PPP1R16B: variants seen among roughly 807,000 people sequenced by gnomAD.
PPP1R16B encodes the protein protein phosphatase 1 regulatory subunit 16B.
Under a neutral mutation model 61.7 loss-of-function variants are expected in PPP1R16B, and 14 were observed. The ratio of observed to expected loss-of-function variants is 0.23; its 90% CI spans 0.15 to 0.35. The LOEUF is 0.35. Ranked by LOEUF, PPP1R16B falls within the 10% of genes least tolerant of loss-of-function variation. The pLI is 1.00. For missense variants in PPP1R16B, 547 were observed against 752.5 expected (o/e 0.73, Z 3.19); for synonymous variants, 266 against 305.3 (o/e 0.87, Z 1.34).
At position 38,876,789 on chromosome 20, in the gene PPP1R16B, C is replaced by G. The variant is rs76376870; in HGVS notation, c.251-12806C>G. On this transcript the variant is annotated intron_variant, in intron 2 of 10. Coordinates refer to ENST00000299824, the MANE Select transcript of PPP1R16B (RefSeq NM_015568.4). ...AATAGAGTTCTTACCACTTGGCTAT[C>G]ATTCTGCGGAAGGTTTTTGTTTTTT... 2.8e-3 allele frequency among the ~76,000 whole-genome samples: 434 copies of G among 152,318 alleles called. 4 individuals are homozygous for G. The highest frequency in any genetic ancestry group is 0.01 in the African/African-American group (422 of 41,566).
At chr20:38,817,565 CAAAA>C (rs773898309) in intron 1 of PPP1R16B, among the ~76,000 whole-genome samples, 4 of 50,674 alleles carry the variant, frequency 7.9e-5, no homozygotes, top group Non-Finnish European at 8.2e-5. Flanking sequence ...AACTCCATCT[CAAAA>C]AAAAAAAAAA....
At chr20:38,871,087 A>T (rs926002860) in intron 2 of PPP1R16B, among the ~76,000 whole-genome samples, 15 of 152,140 alleles carry the variant, frequency 9.9e-5, no homozygotes, top group African/African-American at 3.6e-4. Flanking sequence ...GTGAGGCAGC[A>T]CATAGCTCAG....
chr20:38,916,739 GC>G (rs1195714442), intron 10 of PPP1R16B, among the ~76,000 whole-genome samples: 3 of 152,074 alleles, frequency 2.0e-5, no homozygotes, highest in Non-Finnish European at 4.4e-5. Context: ...GAAGGATGAT[GC>G]AAAACTGTCC....
rs1436140091 is a variant in PPP1R16B at position 38,805,790 on chromosome 20, C to G, written c.-104C>G. ...CCGCCCGGGGCAGGGCTCGGGAGAG[C>G]GGGTGAGTTCCCCGGCGGCGCCACC... On this transcript the variant is annotated splice_region_variant and 5_prime_UTR_variant, in exon 1 of 11. Transcript: ENST00000299824. 1 of 152,244 alleles carries G rather than the reference C, an allele frequency of 6.6e-6. No individual in the cohort carries two copies. Among genetic ancestry groups the G allele is most frequent in the Admixed American group, 6.5e-5 (1 of 15,286 alleles). The allele number at this position is 152,244 out of a possible 1,614,324, so 9.4% of individuals were successfully genotyped here.
intron 1 of PPP1R16B, among the ~76,000 whole-genome samples, chr20:38,830,325 A>G (rs2084829085): frequency 6.6e-6 from 1 of 152,226 alleles, no homozygotes; most frequent in African/African-American, 2.4e-5. Context: ...ATGAGTTTAT[A>G]TGAGTGCTTC....
intron 3 of PPP1R16B, among the ~76,000 whole-genome samples, chr20:38,890,808 G>T (rs902023589): frequency 2.0e-5 from 3 of 152,236 alleles, no homozygotes; most frequent in Admixed American, 6.5e-5. Context: ...TGAGAGGCCA[G>T]GCAACCAGAA....
chr20:38,876,663 T>C (rs1294942893), intron 2 of PPP1R16B, among the ~76,000 whole-genome samples: 1 of 152,234 alleles, frequency 6.6e-6, no homozygotes, highest in African/African-American at 2.4e-5. Context: ...TTATTGTTGC[T>C]ATTTAACTTC....
chr20:38,855,058 C>T (rs909904260), intron 2 of PPP1R16B, among the ~76,000 whole-genome samples: 1 of 152,094 alleles, frequency 6.6e-6, no homozygotes, highest in Admixed American at 6.6e-5. Context: ...CTTTGGCCAC[C>T]CCTCATAATA....
intron 2 of PPP1R16B, among the ~76,000 whole-genome samples, chr20:38,851,502 G>A (rs2084968860): frequency 6.6e-6 from 1 of 151,440 alleles, no homozygotes. Flanking sequence ...AAACTTAGAA[G>A]ACGATTTCTC....
chr20:38,816,751 G>A (rs1428031480), intron 1 of PPP1R16B, among the ~76,000 whole-genome samples: 3 of 152,152 alleles, frequency 2.0e-5, no homozygotes, highest in Non-Finnish European at 4.4e-5. Flanking sequence ...CCTCAGCAGC[G>A]ATATATAGAG....
chr20:38,860,974 A>G (rs2085045992), intron 2 of PPP1R16B, among the ~76,000 whole-genome samples: 1 of 152,116 alleles, frequency 6.6e-6, no homozygotes, highest in Non-Finnish European at 1.5e-5. Context: ...TCCCACTGGG[A>G]GTATCCGTGT....
intron 1 of PPP1R16B, among the ~76,000 whole-genome samples, chr20:38,813,770 T>C (rs141950627): frequency 0.082 from 3,947 of 48,210 alleles, 71 homozygotes; most frequent in African/African-American, 0.089. Context: ...TCATCATCAT[T>C]ATTATTATTA....
intron 10 of PPP1R16B, among the ~76,000 whole-genome samples, chr20:38,917,937 T>C (rs756850439): frequency 1.2e-4 from 18 of 152,158 alleles, no homozygotes; most frequent in Non-Finnish European, 1.8e-4. Flanking sequence ...TAGCTAGGCC[T>C]TGGGTCATGA....
Position 38,918,200 on chromosome 20 carries a change from C to T in PPP1R16B, c.1238C>T (p.Thr413Ile). 1 of 1,614,240 alleles carries T rather than the reference C, an allele frequency of 6.2e-7. No homozygotes were observed. The highest frequency in any genetic ancestry group is 2.2e-5 in the East Asian group (1 of 44,894). The change falls in exon 11 of 11, where the codon ACC (threonine) becomes ATC (isoleucine). Residue 413 changes from threonine to isoleucine, a missense_variant. Coordinates refer to ENST00000299824, the MANE Select transcript of PPP1R16B (RefSeq NM_015568.4). This position sits in a 1 kb window ranked among gnomAD's most constrained non-coding sequence, Gnocchi z 5.3. ...EKPVLLSEFPTKIPRGELDMP... is the reference protein window; with the variant it reads ...EKPVLLSEFPIKIPRGELDMP... ...CCCGTGCTACTCTCCGAATTTCCTACCAAGATCCCACGAGGTGAACTGGAC... is the reference window on the plus strand; with the variant it reads ...CCCGTGCTACTCTCCGAATTTCCTATCAAGATCCCACGAGGTGAACTGGAC...
intron 4 of PPP1R16B, among the ~76,000 whole-genome samples, chr20:38,898,014 C>T (rs187610200): frequency 2.1e-4 from 32 of 152,292 alleles, no homozygotes; most frequent in East Asian, 7.7e-4. Flanking sequence ...ATCAGATAGA[C>T]GTACTATTTT....
chr20:38,818,151 C>A, intron 1 of PPP1R16B, among the ~76,000 whole-genome samples: 1 of 152,232 alleles, frequency 6.6e-6, no homozygotes, highest in East Asian at 1.9e-4. Context: ...CAAATCTTAG[C>A]CCTGCCACTT....
intron 4 of PPP1R16B, 66 bp downstream of exon 4, chr20:38,895,776 T>C (rs2085329917): frequency 6.6e-7 from 1 of 1,508,290 alleles, no homozygotes; most frequent in Non-Finnish European, 9.1e-7. Context: ...ACTTCCTTCT[T>C]TCTCTCCTCC....
intron 3 of PPP1R16B, 130 bp from the exon 4 acceptor site, chr20:38,895,435 T>G: frequency 2.8e-5 from 31 of 1,094,872 alleles, no homozygotes; most frequent in Non-Finnish European, 3.8e-5. Flanking sequence ...GTGAACATCA[T>G]GGAGCTGGAT....
chr20:38,868,058 C>T (rs1044645326), intron 2 of PPP1R16B, among the ~76,000 whole-genome samples: 2 of 152,310 alleles, frequency 1.3e-5, no homozygotes, highest in Admixed American at 1.3e-4. Context: ...GCACTATGCA[C>T]CCTCATAGCA....
Sources: allele counts gnomAD v4.1 joint callset (sites outside exome capture counted in the v4.1 genomes callset), GRCh38; gene constraint gnomAD v4.1.1; non-coding constraint Gnocchi (gnomAD v3.1); transcripts MANE v1.5; gene names NCBI Gene and HGNC (gene_info 2026-07-23, HGNC 2026-07-21).